The following ARHGAP28 variants were observed in gnomAD, a reference collection of about 807,000 sequenced individuals.
ARHGAP28 encodes the protein rho GTPase-activating protein 28.
Under a neutral mutation model 90.7 loss-of-function variants are expected in ARHGAP28, and 56 were observed. The ratio of observed to expected loss-of-function variants is 0.62; its 90% CI spans 0.50 to 0.77. ARHGAP28 has a LOEUF of 0.77. Among genes scored for constraint, ARHGAP28 ranks in the 30% least tolerant of loss-of-function variants. The probability of loss-of-function intolerance (pLI) is 0.00; values close to 1 mark genes in which losing one functional copy is unlikely to be tolerated. For synonymous variants in ARHGAP28, 308 were observed against 323.3 expected, an observed-to-expected ratio of 0.95 and a Z score of 0.51; for missense variants, 869 against 900.9, an observed-to-expected ratio of 0.96 and a Z score of 0.45.
At chr18:6,806,527 G>GTT (rs1376545487) in intron 1 of ARHGAP28, among the ~76,000 whole-genome samples, 5 of 151,810 alleles carry the variant, frequency 3.3e-5, no homozygotes, top group Admixed American at 1.3e-4. Flanking sequence ...ATTTTTATTT[G>GTT]TTATATATAT....
intron 3 of ARHGAP28, among the ~76,000 whole-genome samples, chr18:6,845,661 G>A (rs1017121777): frequency 6.6e-6 from 1 of 152,160 alleles, no homozygotes; most frequent in African/African-American, 2.4e-5. Context: ...ACTTATAAGT[G>A]AGAACATGCA....
At chr18:6,823,419 A>G (rs1375993288) in intron 1 of ARHGAP28, among the ~76,000 whole-genome samples, 1 of 152,088 alleles carries the variant, frequency 6.6e-6, no homozygotes, top group Admixed American at 6.5e-5. Context: ...TTGCTTGTCC[A>G]TTCATCTGCT....
chr18:6,764,660 G>A (rs979850382), intron 1 of ARHGAP28, among the ~76,000 whole-genome samples: 2 of 152,126 alleles, frequency 1.3e-5, no homozygotes, highest in Non-Finnish European at 2.9e-5. Flanking sequence ...GCCAGTGAAC[G>A]AGCCAAGAGA....
intron 1 of ARHGAP28, among the ~76,000 whole-genome samples, chr18:6,767,766 C>A (rs1438492197): frequency 6.6e-6 from 1 of 152,104 alleles, no homozygotes; most frequent in Non-Finnish European, 1.5e-5. Flanking sequence ...CTCTGTTTTT[C>A]AGCAATTACA....
Position 6,753,771 on chromosome 18 carries a change from G to A in ARHGAP28, c.122+23828G>A, listed in dbSNP as rs557180114. On this transcript the variant is annotated intron_variant, in intron 1 of 17. Transcript: ENST00000383472. The stretch of plus-strand genomic sequence containing the variant: ...CTGTATGTTCCGATTCTCTAGTAGC[G>A]TTTCATCTTCAAACACTTTACCCCT... Among the ~76,000 whole-genome samples the A allele has an allele frequency of 6.6e-4, 101 of 152,256 alleles. 1 individual carries two copies. The highest frequency in any genetic ancestry group is 2.3e-3 in the African/African-American group (95 of 41,562).
chr18:6,882,947 T>C (rs1423516440), intron 11 of ARHGAP28, among the ~76,000 whole-genome samples: 2 of 152,186 alleles, frequency 1.3e-5, no homozygotes, highest in Non-Finnish European at 2.9e-5. Context: ...AGGTTGAATA[T>C]TGTGGAGGAT....
rs572377578 is a variant in ARHGAP28, at chr18:6,880,636, G to C, written c.1291-1501G>C. On this transcript the variant is annotated intron_variant, in intron 10 of 17. Coordinates refer to ENST00000383472, the MANE Select transcript of ARHGAP28 (RefSeq NM_001366230.1). ...TGCGCCAGCAAGGCTGAATGAACTG[G>C]AGTTCCCCAGACACACTGGATCTGC... Among the ~76,000 whole-genome samples, 9 of 152,304 alleles carry C rather than the reference G, an allele frequency of 5.9e-5. No homozygotes were observed. In the East Asian group the frequency reaches 1.4e-3, roughly 23 times the overall value.
chr18:6,730,146 G>C, intron 1 of ARHGAP28: 1 of 453,938 alleles, frequency 2.2e-6, no homozygotes, highest in Non-Finnish European at 3.5e-6. Flanking sequence ...ACCAGCCTGG[G>C]CTGAAGTCGT....
intron 1 of ARHGAP28, among the ~76,000 whole-genome samples, chr18:6,764,433 G>A (rs1292533084): frequency 1.3e-5 from 2 of 152,188 alleles, no homozygotes; most frequent in African/African-American, 4.8e-5. Flanking sequence ...TATCCCCTGA[G>A]GAAGAGCAGG....
chr18:6,829,247 C>G (rs1174389301), intron 2 of ARHGAP28, among the ~76,000 whole-genome samples: 10 of 152,186 alleles, frequency 6.6e-5, no homozygotes, highest in Non-Finnish European at 1.5e-4. Flanking sequence ...ATCTATCTAT[C>G]CAGCTAGCTA....
intron 4 of ARHGAP28, among the ~76,000 whole-genome samples, chr18:6,857,050 A>G (rs1048232909): frequency 6.6e-6 from 1 of 152,236 alleles, no homozygotes; most frequent in Non-Finnish European, 1.5e-5. Context: ...AATGCTGCCC[A>G]GAACATTTAT....
At chr18:6,911,808 C>T (rs2057400927) in intron 17 of ARHGAP28, among the ~76,000 whole-genome samples, 1 of 151,872 alleles carries the variant, frequency 6.6e-6, no homozygotes, top group African/African-American at 2.4e-5. Context: ...CTGCTTTCTT[C>T]CAAAATTTCA....
intron 5 of ARHGAP28, among the ~76,000 whole-genome samples, chr18:6,864,592 T>C (rs2057023994): frequency 1.3e-5 from 2 of 152,224 alleles, no homozygotes; most frequent in South Asian, 4.1e-4. Context: ...TATTACTCAT[T>C]TTTGTTTCTA....
intron 1 of ARHGAP28, chr18:6,789,688 A>G (rs1355243222): frequency 6.6e-6 from 1 of 152,200 alleles, no homozygotes; most frequent in African/African-American, 2.4e-5. Context: ...AAAATTTTAC[A>G]TCCCAATTTT....
chr18:6,750,911 T>A (rs2056063575), intron 1 of ARHGAP28, among the ~76,000 whole-genome samples: 1 of 152,178 alleles, frequency 6.6e-6, no homozygotes, highest in African/African-American at 2.4e-5. Context: ...TTTCTTCCAA[T>A]CTGGGTCTAG....
rs528119673 is a variant in ARHGAP28, at chr18:6,732,952, A to G, written c.122+3009A>G. Among the ~76,000 whole-genome samples, 12 of 152,316 alleles carry G rather than the reference A, an allele frequency of 7.9e-5. No individual in the cohort carries two copies. The South Asian group carries it at 2.3e-3, about 29-fold the overall frequency. ...TCACTATCAGAAGCGGACAAACAAA[A>G]TAAGGTCAAGAAAGCCTTGTTTGTC... On this transcript the variant is annotated intron_variant, in intron 1 of 17. Coordinates refer to ENST00000383472, the MANE Select transcript of ARHGAP28 (RefSeq NM_001366230.1).
At chr18:6,767,488 A>AT (rs903483487) in intron 1 of ARHGAP28, among the ~76,000 whole-genome samples, 1 of 151,488 alleles carries the variant, frequency 6.6e-6, no homozygotes, top group Non-Finnish European at 1.5e-5. Flanking sequence ...ATGTTCTAGT[A>AT]TTTTTTTTCT....
chr18:6,770,801 C>T lies in ARHGAP28; in HGVS notation c.122+40858C>T, dbSNP rs147998107. 8.7e-3 allele frequency among the ~76,000 whole-genome samples: 1,322 copies of T among 152,110 alleles called. 7 individuals are homozygous for T. Among genetic ancestry groups the T allele is most frequent in the Middle Eastern group, 0.014 (4 of 294 alleles). On this transcript the variant is annotated intron_variant, in intron 1 of 17. Transcript: ENST00000383472. ...GGTGTGGGAGGTGGGGGGTGGGGAG[C>T]CATATTGCCCCAGTGTTTGAAACCT...
intron 1 of ARHGAP28, among the ~76,000 whole-genome samples, chr18:6,808,440 TTTTC>T (rs1280219590): frequency 2.6e-4 from 39 of 152,318 alleles, no homozygotes; most frequent in African/African-American, 8.9e-4. Flanking sequence ...ATTTGTTCCT[TTTTC>T]TTTCTTTTTC....
Sources: gnomAD v4.1 joint callset for allele counts (sites outside exome capture counted in the v4.1 genomes callset) on GRCh38, gnomAD v4.1.1 for gene constraint, MANE v1.5 for transcripts, NCBI Gene and HGNC (gene_info 2026-07-23, HGNC 2026-07-21) for gene names.